The following PRDM7 variants were observed in gnomAD, a reference collection of about 807,000 sequenced individuals.
PRDM7 encodes PR/SET domain 7.
In PRDM7, 52 loss-of-function variants were observed where a neutral mutation model predicts 64.3. The observed-to-expected ratio is 0.81, with a 90% CI of 0.65 to 1.02. PRDM7 has a LOEUF of 1.02. Ranked by LOEUF, PRDM7 falls within the 50% of genes least tolerant of loss-of-function variation. The pLI is 0.00. For missense variants in PRDM7, 574 were observed against 597.1 expected, an observed-to-expected ratio of 0.96 and a Z score of 0.40; for synonymous variants, 192 against 210.1, an observed-to-expected ratio of 0.91 and a Z score of 0.74.
intron 6 of PRDM7, among the ~76,000 whole-genome samples, chr16:90,063,105 A>T: frequency 6.6e-6 from 1 of 152,216 alleles, no homozygotes; most frequent in East Asian, 1.9e-4. Flanking sequence ...TGTGGATTAT[A>T]ACCCAAGTGA....
At chr16:90,063,854 T>C (rs537721046) in intron 5 of PRDM7, 86 bp from the exon 6 acceptor site, 5 of 1,498,558 alleles carry the variant, frequency 3.3e-6, no homozygotes, top group Non-Finnish European at 3.7e-6. Context: ...ATGACTGTAG[T>C]TAATGTTCAA....
chr16:90,060,939 C>A (rs997389945), intron 9 of PRDM7, among the ~76,000 whole-genome samples: 1 of 152,212 alleles, frequency 6.6e-6, no homozygotes, highest in African/African-American at 2.4e-5. Context: ...CCTCTAATCA[C>A]CCTACAGTTC....
chr16:90,074,643 G>A (rs1477171845), intron 4 of PRDM7, among the ~76,000 whole-genome samples: 1 of 152,052 alleles, frequency 6.6e-6, no homozygotes, highest in Admixed American at 6.6e-5. Flanking sequence ...GAAGGCCAAG[G>A]TGGGTAGATC....
Position 90,058,407 on chromosome 16 carries a change from A to C in PRDM7, c.1361T>G (p.Phe454Cys), listed in dbSNP as rs757780820. 34 of 1,613,980 alleles carry C rather than the reference A, an allele frequency of 2.1e-5. No homozygotes were observed. The change falls in exon 11 of 11, where the codon TTC becomes TGC. Residue 454 changes from phenylalanine to cysteine, a missense_variant. Phe to Cys is a radical substitution (Grantham distance 205). Transcript: ENST00000449207. ...RTSQDHLQEN[F>C]SNQRIPAQGI... ...CTGGGCAGGGATTCTCTGGTTGGAG[A>C]AGTTTTCTTGCAGATGGTCCTGGGA...
Position 90,074,952 on chromosome 16 carries a change from C to G in PRDM7, c.265G>C (p.Glu89Gln), listed in dbSNP as rs774329853. 2.5e-6 allele frequency: 4 copies of G among 1,614,144 alleles called. No individual in the cohort carries two copies. In the Admixed American group the frequency reaches 6.7e-5, roughly 27 times the overall value. ...QAIKLQVDDT[E>Q]DSDEEWTPRQ... Reference sequence around the variant, plus strand: ...GGTGTCCATTCTTCATCGGAATCTTCTGTGTCATCCACCTGGAGTTTGATG... The same window carrying G: ...GGTGTCCATTCTTCATCGGAATCTTGTGTGTCATCCACCTGGAGTTTGATG... The change falls in exon 4 of 11, where the codon GAA becomes CAA. Residue 89 changes from glutamate (E) to glutamine (Q), a missense_variant. By Grantham distance (29) the Glu-to-Gln change is conservative. Transcript: ENST00000449207.
At position 90,058,346 on chromosome 16, in the gene PRDM7, G is replaced by A. The variant is rs761480281; in HGVS notation, c.1422C>T (p.His474=). Residue 474 remains histidine, a synonymous_variant, in exon 11 of 11, where the codon CAC becomes CAT. Transcript: ENST00000449207. The part of the protein sequence containing the change: ...IRIRSGNILI[H]AAVMTKPKVK... ...CCTTTGGTTTTGTCATTACAGCAGC[G>A]TGGATCAGAATATTGCCGCTCCTGA... is the stretch of plus-strand genomic sequence containing the variant. The A allele has an allele frequency of 9.3e-6, 15 of 1,614,000 alleles. No individual in the cohort carries two copies. Among genetic ancestry groups the A allele is most frequent in the African/African-American group, 6.7e-5 (5 of 74,884 alleles).
At chr16:90,070,616 A>G (rs1200483451) in intron 4 of PRDM7, among the ~76,000 whole-genome samples, 1 of 151,026 alleles carries the variant, frequency 6.6e-6, no homozygotes, top group Non-Finnish European at 1.5e-5. Context: ...TATTGCTTTT[A>G]TAAGAGGAAG....
chr16:90,074,880 T>TAAA, intron 4 of PRDM7, 36 bp downstream of exon 4: 4 of 1,288,576 alleles, frequency 3.1e-6, no homozygotes, highest in Admixed American at 1.9e-5. Flanking sequence ...ACTCCGTCTT[T>TAAA]AAAAAAAAAA....
chr16:90,064,843 C>T (rs915315956), intron 5 of PRDM7, among the ~76,000 whole-genome samples: 5 of 150,574 alleles, frequency 3.3e-5, no homozygotes, highest in Admixed American at 6.6e-5. Flanking sequence ...TTCAGCCTCC[C>T]GAGTAGTTGG....
At chr16:90,069,567 G>C (rs2037927359) in intron 4 of PRDM7, among the ~76,000 whole-genome samples, 1 of 151,224 alleles carries the variant, frequency 6.6e-6, no homozygotes, top group African/African-American at 2.5e-5. Flanking sequence ...ACAGTGTCAA[G>C]GCATCCTACA....
In PRDM7 at chr16:90,068,266, G is replaced by A. The variant is rs1337839032; in HGVS notation, c.302-1356C>T. Reference sequence around the variant, plus strand: ...TGCACTCCAGCTTGGGCGACAGAGCGAGACTCCATCTAAAAAAATAAATAA... The same window carrying A: ...TGCACTCCAGCTTGGGCGACAGAGCAAGACTCCATCTAAAAAAATAAATAA... On this transcript the variant is annotated intron_variant, in intron 4 of 10. Coordinates refer to ENST00000449207, the MANE Select transcript of PRDM7 (RefSeq NM_001098173.2). 4.0e-5 allele frequency among the ~76,000 whole-genome samples: 6 copies of A among 150,298 alleles called. 1 individual carries two copies. Among genetic ancestry groups the A allele is most frequent in the African/African-American group, 1.5e-4 (6 of 40,114 alleles).
intron 4 of PRDM7, among the ~76,000 whole-genome samples, chr16:90,068,632 C>T (rs1257822625): frequency 7.0e-6 from 1 of 142,088 alleles, no homozygotes; most frequent in Non-Finnish European, 1.5e-5. Context: ...GAGACTCCGT[C>T]TCAAAAAAAA....
At chr16:90,065,958 C>A (rs376420686) in intron 5 of PRDM7, among the ~76,000 whole-genome samples, 2 of 151,084 alleles carry the variant, frequency 1.3e-5, no homozygotes, top group South Asian at 4.2e-4. Context: ...CAGGAAGGGA[C>A]TAGACTCCTG....
In PRDM7 at chr16:90,075,248, G is replaced by T. The variant is rs1333453735; in HGVS notation, c.193+103C>A. On this transcript the variant is annotated intron_variant, in intron 3 of 10. Coordinates refer to ENST00000449207, the MANE Select transcript of PRDM7 (RefSeq NM_001098173.2). This position sits in a 1 kb window ranked among gnomAD's most constrained non-coding sequence, Gnocchi z 4.3. ...CTCCAGATTTGTCTCCGTGCAAAAG[G>T]GAATTGTGGGCAGATGCCGCCACCT... is the stretch of plus-strand genomic sequence containing the variant. The T allele has an allele frequency of 6.3e-7, 1 of 1,585,038 alleles. No individual in the cohort carries two copies. Among genetic ancestry groups the T allele is most frequent in the Non-Finnish European group, 8.7e-7 (1 of 1,156,006 alleles).
intron 5 of PRDM7, among the ~76,000 whole-genome samples, chr16:90,064,218 A>C (rs2037832922): frequency 6.6e-6 from 1 of 152,244 alleles, no homozygotes; most frequent in Non-Finnish European, 1.5e-5. Flanking sequence ...GATGATTGGC[A>C]AAAATATATC....
rs2037705214 is a variant in PRDM7 at position 90,057,684 on chromosome 16, TTTAA to T, written c.*601_*604del. On this transcript the variant is annotated 3_prime_UTR_variant, in exon 11 of 11. Coordinates refer to ENST00000449207, the MANE Select transcript of PRDM7 (RefSeq NM_001098173.2). ...TCTAGTCATGAAAGTGGCGGATTTG[TTTAA>T]TTAGTTATTTCCGATCTCTTTACAC... The T allele has an allele frequency of 2.6e-6, 3 of 1,162,306 alleles. No individual in the cohort carries two copies. The highest frequency in any genetic ancestry group is 1.7e-5 in the South Asian group (1 of 58,612). 72.0% of individuals were successfully genotyped at this position (1,162,306 alleles called of 1,614,324 possible).
At chr16:90,073,319 A>G (rs1310270841) in intron 4 of PRDM7, among the ~76,000 whole-genome samples, 3 of 152,114 alleles carry the variant, frequency 2.0e-5, no homozygotes, top group African/African-American at 4.8e-5. Flanking sequence ...TTTGCAGTTT[A>G]ATTGTTTTCT....
chr16:90,068,853 G>A (rs1215466168), intron 4 of PRDM7, among the ~76,000 whole-genome samples: 1 of 151,202 alleles, frequency 6.6e-6, no homozygotes, highest in Non-Finnish European at 1.5e-5. Context: ...AGTGCCGACA[G>A]AAATTTAAGG....
chr16:90,077,325 C>G lies in PRDM7; in HGVS notation c.-185G>C, dbSNP rs894132593. The G allele has an allele frequency of 6.6e-6, 1 of 152,268 alleles. No individual in the cohort carries two copies. Among genetic ancestry groups the G allele is most frequent in the African/African-American group, 2.4e-5 (1 of 41,454 alleles). 9.4% of individuals were successfully genotyped at this position (152,268 alleles called of 1,614,324 possible). ...CCCTGGCCGGGCGTCTTCTCGGAGCCGCTCAGGAGGTGAGACGCGGTGGGT... is the reference window on the plus strand; with the variant it reads ...CCCTGGCCGGGCGTCTTCTCGGAGCGGCTCAGGAGGTGAGACGCGGTGGGT... On this transcript the variant is annotated 5_prime_UTR_variant, in exon 1 of 11. Coordinates refer to ENST00000449207, the MANE Select transcript of PRDM7 (RefSeq NM_001098173.2).
Sources: gnomAD v4.1 joint callset for allele counts (sites outside exome capture counted in the v4.1 genomes callset) on GRCh38, gnomAD v4.1.1 for gene constraint, Gnocchi (gnomAD v3.1) non-coding constraint, MANE v1.5 for transcripts, NCBI Gene and HGNC (gene_info 2026-07-23, HGNC 2026-07-21) for gene names.